Variants in SYN3 observed in about 807,000 individuals in gnomAD.
SYN3 encodes the protein synapsin-3.
Under a neutral mutation model 65.8 loss-of-function variants are expected in SYN3, and 35 were observed. The ratio of observed to expected loss-of-function variants is 0.53; its 90% CI spans 0.41 to 0.70. The LOEUF is 0.70. Ranked by LOEUF, SYN3 falls within the 30% of genes least tolerant of loss-of-function variation. The pLI, the probability that SYN3 is intolerant of heterozygous loss-of-function variation, is 0.00. For missense variants in SYN3, 680 were observed against 749.0 expected, an observed-to-expected ratio of 0.91 and a Z score of 1.08; for synonymous variants, 270 against 292.9, an observed-to-expected ratio of 0.92 and a Z score of 0.80.
At chr22:32,578,411 A>T (rs1247686763) in intron 7 of SYN3, among the ~76,000 whole-genome samples, 59 of 151,792 alleles carry the variant, frequency 3.9e-4, no homozygotes, top group Admixed American at 3.9e-3. Context: ...CACACCTGGC[A>T]TTTTTTTATT....
intron 9 of SYN3, among the ~76,000 whole-genome samples, chr22:32,535,772 T>C (rs546233660): frequency 7.3e-6 from 1 of 136,678 alleles, no homozygotes; most frequent in South Asian, 2.6e-4. Context: ...GTGAGAGTGC[T>C]TGGAGAATCG....
chr22:32,769,357 C>T (rs745609050), intron 6 of SYN3, among the ~76,000 whole-genome samples: 2 of 152,152 alleles, frequency 1.3e-5, no homozygotes, highest in Non-Finnish European at 2.9e-5. Flanking sequence ...TGTTTTACTT[C>T]GCTATGAAGC....
At chr22:32,996,218 G>T (rs962859124) in intron 2 of SYN3, among the ~76,000 whole-genome samples, 1 of 152,106 alleles carries the variant, frequency 6.6e-6, no homozygotes, top group Non-Finnish European at 1.5e-5. Flanking sequence ...GCCAGGCACT[G>T]TGCTGGGCTC....
chr22:32,842,588 C>T (rs2146204188), intron 6 of SYN3, among the ~76,000 whole-genome samples: 1 of 152,288 alleles, frequency 6.6e-6, no homozygotes, highest in East Asian at 1.9e-4. Flanking sequence ...AGCAATATAA[C>T]AGTGTATCAT....
intron 3 of SYN3, among the ~76,000 whole-genome samples, chr22:32,971,303 C>T (rs979675524): frequency 6.6e-5 from 10 of 151,942 alleles, no homozygotes; most frequent in African/African-American, 2.4e-4. Flanking sequence ...TTTTTTTATC[C>T]CCCCAGCTGG....
In SYN3 at chr22:32,533,794, T is replaced by A; in HGVS notation, c.1094A>T (p.Glu365Val). 3 of 1,610,936 alleles carry A rather than the reference T, an allele frequency of 1.9e-6. No homozygotes were observed. Among genetic ancestry groups the A allele is most frequent in the Non-Finnish European group, 2.5e-6 (3 of 1,177,524 alleles). ...HSKDGRDYII[E>V]VMDSSMPLIG... ...AGGACTCCCTGCTTCATCCCTCACC[T>A]CGATGATGTAATCTCTGCCATCCTT... Residue 365 changes from glutamate (E) to valine (V), a missense_variant and splice_region_variant, in exon 10 of 14, where the codon GAG becomes GTG. Physicochemically the swap from Glu to Val is moderately radical, Grantham distance 121. Coordinates refer to ENST00000358763, the MANE Select transcript of SYN3 (RefSeq NM_003490.4).
In SYN3 at chr22:32,813,306, T is replaced by C. The variant is rs956627764; in HGVS notation, c.711+51609A>G. ...CAGCATCTGAGCTTTGGCTTTGGAG[T>C]TGGGGAGACAATAGAGAGTGGCAGT... On this transcript the variant is annotated intron_variant, in intron 6 of 13. Transcript: ENST00000358763. Among the ~76,000 whole-genome samples, 7 of 152,022 alleles carry C rather than the reference T, an allele frequency of 4.6e-5. No individual in the cohort carries two copies. The South Asian group carries it at 6.3e-4, about 14-fold the overall frequency.
At chr22:32,576,966 A>T (rs932568929) in intron 7 of SYN3, among the ~76,000 whole-genome samples, 1 of 151,900 alleles carries the variant, frequency 6.6e-6, no homozygotes. Context: ...CACTCTCATG[A>T]TCTGGCCCCA....
chr22:32,689,072 ATTTCT>A (rs1224828280), intron 6 of SYN3, among the ~76,000 whole-genome samples: 7 of 152,174 alleles, frequency 4.6e-5, no homozygotes, highest in Admixed American at 1.3e-4. Context: ...CTAAAAAATC[ATTTCT>A]TTTCTCATCT....
At chr22:33,018,123 G>A (rs1297285843) in intron 1 of SYN3, among the ~76,000 whole-genome samples, 1 of 152,232 alleles carries the variant, frequency 6.6e-6, no homozygotes, top group Non-Finnish European at 1.5e-5. Context: ...TGGCCACTGT[G>A]TAGAAATAGA....
intron 6 of SYN3, among the ~76,000 whole-genome samples, chr22:32,657,486 G>A (rs2060158820): frequency 6.6e-6 from 1 of 152,222 alleles, no homozygotes; most frequent in Non-Finnish European, 1.5e-5. Flanking sequence ...GCCACTGAGA[G>A]AGACACAGAA....
chr22:32,830,697 C>T (rs1023717180), intron 6 of SYN3, among the ~76,000 whole-genome samples: 1 of 152,210 alleles, frequency 6.6e-6, no homozygotes, highest in Non-Finnish European at 1.5e-5. Context: ...GTGTCTGTCC[C>T]TGCAGGGCCC....
At chr22:32,610,818 G>A (rs1005311737) in intron 6 of SYN3, among the ~76,000 whole-genome samples, 1 of 152,158 alleles carries the variant, frequency 6.6e-6, no homozygotes, top group African/African-American at 2.4e-5. Context: ...TCGATCTCAG[G>A]TGATACAACC....
rs1007184497 is a variant in SYN3 at position 32,869,255 on chromosome 22, G to T, written c.462-130C>A. 6.7e-5 allele frequency: 58 copies of T among 867,528 alleles called. 2 individuals are homozygous for T. Among genetic ancestry groups the T allele is most frequent in the South Asian group, 4.3e-4 (25 of 58,714 alleles). The allele number at this position is 867,528 out of a possible 1,614,324, so 53.7% of individuals were successfully genotyped here. A position where few individuals can be genotyped will look rare whatever the true frequency, so the allele number is the denominator to read the frequency against. ...GCTTAGTTCAGAAGTGGGAGCAGGT[G>T]GGGGATGAGGGCAGTTAAATGCAAA... On this transcript the variant is annotated intron_variant, in intron 4 of 13. Transcript: ENST00000358763.
At chr22:32,745,062 C>T (rs916666801) in intron 6 of SYN3, among the ~76,000 whole-genome samples, 5 of 152,054 alleles carry the variant, frequency 3.3e-5, no homozygotes, top group Admixed American at 6.5e-5. Flanking sequence ...ACTCTTCTGA[C>T]GGGTTAGGAA....
chr22:32,616,853 T>C (rs377268726), intron 6 of SYN3, among the ~76,000 whole-genome samples: 4 of 152,046 alleles, frequency 2.6e-5, no homozygotes, highest in African/African-American at 7.2e-5. Flanking sequence ...TAGGGGAAAT[T>C]TGCACTGGGC....
chr22:32,905,413 G>C (rs2049874900), intron 4 of SYN3, among the ~76,000 whole-genome samples: 1 of 152,200 alleles, frequency 6.6e-6, no homozygotes, highest in Non-Finnish European at 1.5e-5. Flanking sequence ...CAAAGAGTCT[G>C]CATGGTCAGG....
At chr22:33,054,629 T>C (rs917327083) in intron 1 of SYN3, among the ~76,000 whole-genome samples, 4 of 152,248 alleles carry the variant, frequency 2.6e-5, no homozygotes, top group Non-Finnish European at 5.9e-5. Context: ...GATTGACCTA[T>C]TCTGGATGCT....
chr22:32,535,761 C>T (rs889285340), intron 9 of SYN3, among the ~76,000 whole-genome samples: 2 of 147,662 alleles, frequency 1.4e-5, no homozygotes, highest in South Asian at 2.2e-4. Flanking sequence ...CGTACAGCAG[C>T]GTGAGAGTGC....
Sources: gnomAD v4.1 joint callset for allele counts (sites outside exome capture counted in the v4.1 genomes callset) on GRCh38, gnomAD v4.1.1 for gene constraint, MANE v1.5 for transcripts, NCBI Gene and HGNC (gene_info 2026-07-23, HGNC 2026-07-21) for gene names.